The following SH3RF2 variants were observed in gnomAD, a reference collection of about 807,000 sequenced individuals.
The protein encoded by SH3RF2 is E3 ubiquitin-protein ligase SH3RF2.
SH3RF2 carries 43 observed loss-of-function variants against 59.0 expected under a neutral mutation model. That is an observed-to-expected ratio of 0.73 (90% CI 0.57 to 0.94). The LOEUF is 0.94. Among genes scored for constraint, SH3RF2 ranks in the 40% least tolerant of loss-of-function variants. The pLI is 0.00. For synonymous variants in SH3RF2, 391 were observed against 391.5 expected (o/e 1.00, Z 0.01); for missense variants, 930 against 940.1 (o/e 0.99, Z 0.14).
chr5:145,945,999 T>C (rs930874054), intron 2 of SH3RF2, among the ~76,000 whole-genome samples: 1 of 152,210 alleles, frequency 6.6e-6, no homozygotes, highest in Non-Finnish European at 1.5e-5. Flanking sequence ...CTGAAACCCC[T>C]AGCACACATG....
At chr5:146,039,899 C>T (rs115322029) in intron 5 of SH3RF2, among the ~76,000 whole-genome samples, 71 of 152,288 alleles carry the variant, frequency 4.7e-4, no homozygotes, top group East Asian at 9.6e-4. Context: ...AGACACAGAA[C>T]GAAATGTAAG....
At chr5:146,075,760 C>T (rs1355641417) in intron 9 of SH3RF2, among the ~76,000 whole-genome samples, 1 of 97,396 alleles carries the variant, frequency 1.0e-5, no homozygotes, top group Non-Finnish European at 1.9e-5. Flanking sequence ...GCCTTGGGCA[C>T]AATGGCGAAA....
intron 2 of SH3RF2, among the ~76,000 whole-genome samples, chr5:145,991,075 T>C (rs962259508): frequency 1.3e-5 from 2 of 152,222 alleles, no homozygotes; most frequent in Non-Finnish European, 2.9e-5. Flanking sequence ...TCGATTCAGA[T>C]TTTGATTACA....
chr5:146,009,543 T>A (rs1760790004), intron 4 of SH3RF2, among the ~76,000 whole-genome samples: 1 of 152,226 alleles, frequency 6.6e-6, no homozygotes, highest in Non-Finnish European at 1.5e-5. Flanking sequence ...TCAGCTTAAA[T>A]GCCACCTTCT....
At position 145,966,872 on chromosome 5, in the gene SH3RF2, A is replaced by C. The variant is rs554618810; in HGVS notation, c.378+28566A>C. 3.3e-5 allele frequency among the ~76,000 whole-genome samples: 5 copies of C among 152,198 alleles called. No individual in the cohort carries two copies. The South Asian group carries it at 1.0e-3, about 32-fold the overall frequency. ...TCCTGTCTCTACAAAAAATACAAAAATTAGCTGGGCATGGTGGTGCACTCC... is the reference window on the plus strand; with the variant it reads ...TCCTGTCTCTACAAAAAATACAAAACTTAGCTGGGCATGGTGGTGCACTCC... On this transcript the variant is annotated intron_variant, in intron 2 of 9. Coordinates refer to ENST00000359120, the MANE Select transcript of SH3RF2 (RefSeq NM_152550.4).
rs541677441 is a variant in SH3RF2, at chr5:146,010,701, C to A, written c.745-3046C>A. On this transcript the variant is annotated intron_variant, in intron 4 of 9. Coordinates refer to ENST00000359120, the MANE Select transcript of SH3RF2 (RefSeq NM_152550.4). ...TCTTTTGAGAAGTGTACGTTCATAT[C>A]TTTTGCCCACTTGTTGATGGGGTTG... Among the ~76,000 whole-genome samples, 22 of 152,236 alleles carry A rather than the reference C, an allele frequency of 1.4e-4. No homozygotes were observed. The South Asian group carries it at 3.3e-3, about 23-fold the overall frequency.
intron 9 of SH3RF2, among the ~76,000 whole-genome samples, chr5:146,073,117 C>A (rs972791182): frequency 2.0e-5 from 3 of 152,220 alleles, no homozygotes; most frequent in South Asian, 4.1e-4. Context: ...CTCTGAAGGA[C>A]AAGAAATCTC....
intron 2 of SH3RF2, among the ~76,000 whole-genome samples, chr5:145,972,506 C>T (rs764865023): frequency 6.6e-6 from 1 of 152,216 alleles, no homozygotes; most frequent in Non-Finnish European, 1.5e-5. Flanking sequence ...AGTACTTGCT[C>T]TGCTCCCCAT....
chr5:146,006,118 G>A (rs149916048), intron 4 of SH3RF2, among the ~76,000 whole-genome samples: 1 of 152,276 alleles, frequency 6.6e-6, no homozygotes, highest in East Asian at 1.9e-4. Flanking sequence ...TTGCAAGTGT[G>A]TTGAATCATG....
rs564822979 is a variant in SH3RF2 at position 146,052,624 on chromosome 5, CT to C, written c.1323-3356del. Among the ~76,000 whole-genome samples, 343 of 152,242 alleles carry C rather than the reference CT, an allele frequency of 2.3e-3. 1 individual carries two copies. Among genetic ancestry groups the C allele is most frequent in the Non-Finnish European group, 3.6e-3 (243 of 68,008 alleles). ...AGGTGGCAGAGGATCAATGCTTTCA[CT>C]GTGTTTATACTTTTTCCTTGATGAT... On this transcript the variant is annotated intron_variant, in intron 7 of 9. Coordinates refer to ENST00000359120, the MANE Select transcript of SH3RF2 (RefSeq NM_152550.4).
At chr5:145,967,024 C>T (rs1210004806) in intron 2 of SH3RF2, among the ~76,000 whole-genome samples, 1 of 151,940 alleles carries the variant, frequency 6.6e-6, no homozygotes, top group African/African-American at 2.4e-5. Context: ...CTGTCTCAAA[C>T]TTTAGAAAAG....
chr5:145,977,139 G>A (rs1759324723), intron 2 of SH3RF2, among the ~76,000 whole-genome samples: 1 of 152,240 alleles, frequency 6.6e-6, no homozygotes, highest in African/African-American at 2.4e-5. Flanking sequence ...GGAAACTGGG[G>A]CAAGAGCAAT....
At chr5:146,030,687 A>T (rs1320899817) in intron 5 of SH3RF2, among the ~76,000 whole-genome samples, 6 of 145,012 alleles carry the variant, frequency 4.1e-5, no homozygotes, top group African/African-American at 1.3e-4. Context: ...GTCCAAATGC[A>T]CCTGCTGCCT....
chr5:146,072,378 A>G (rs1329339842), intron 9 of SH3RF2, among the ~76,000 whole-genome samples: 1 of 152,162 alleles, frequency 6.6e-6, no homozygotes, highest in Non-Finnish European at 1.5e-5. Context: ...CTAAATATAA[A>G]AATAGAATCT....
intron 2 of SH3RF2, among the ~76,000 whole-genome samples, chr5:145,989,356 A>G (rs186910280): frequency 3.3e-5 from 5 of 152,314 alleles, no homozygotes; most frequent in African/African-American, 7.2e-5. Flanking sequence ...CTTATCAGCC[A>G]TTTGTATTAA....
chr5:145,962,453 T>C (rs1193541584), intron 2 of SH3RF2, among the ~76,000 whole-genome samples: 2 of 152,240 alleles, frequency 1.3e-5, no homozygotes, highest in Admixed American at 1.3e-4. Flanking sequence ...CCCTTTGAGT[T>C]TTTATCCAAC....
chr5:145,997,717 G>A, intron 2 of SH3RF2: 1 of 1,570,678 alleles, frequency 6.4e-7, no homozygotes, highest in African/African-American at 1.4e-5. Flanking sequence ...TATGCTACAA[G>A]CCAGCAAATT....
chr5:146,031,356 A>C (rs6891869), intron 5 of SH3RF2, among the ~76,000 whole-genome samples: 45,200 of 151,938 alleles, frequency 0.3, 7,855 homozygotes, highest in Non-Finnish European at 0.38. Flanking sequence ...TGAATGAATG[A>C]GTGGTGAAGC....
downstream of SH3RF2, among the ~76,000 whole-genome samples, chr5:146,065,866 C>T (rs1016159699): frequency 6.6e-6 from 1 of 152,196 alleles, no homozygotes; most frequent in Admixed American, 6.5e-5. Context: ...ACTGTGTTGC[C>T]CAGGCTAGCC....
Sources: allele counts gnomAD v4.1 joint callset (sites outside exome capture counted in the v4.1 genomes callset), GRCh38; gene constraint gnomAD v4.1.1; transcripts MANE v1.5; gene names NCBI Gene and HGNC (gene_info 2026-07-23, HGNC 2026-07-21).